NIPBL: variants seen among roughly 807,000 people sequenced by gnomAD.
The protein encoded by NIPBL is nipped-B-like protein.
Under a neutral mutation model 321.8 loss-of-function variants are expected in NIPBL, and 19 were observed. The ratio of observed to expected loss-of-function variants is 0.06; its 90% CI spans 0.04 to 0.09. The LOEUF is 0.09. Ranked by LOEUF, NIPBL falls within the 10% of genes least tolerant of loss-of-function variation. The probability of loss-of-function intolerance (pLI) is 1.00; values close to 1 mark genes in which losing one functional copy is unlikely to be tolerated. For synonymous variants in NIPBL, 1,106 were observed against 1,114.1 expected (o/e 0.99, Z 0.14); for missense variants, 2,210 against 3,327.0 (o/e 0.66, Z 8.26).
Position 37,024,710 on chromosome 5 carries a change from G to A in NIPBL, c.5700G>A (p.Glu1900=), listed in dbSNP as rs1170619351. The A allele has an allele frequency of 6.2e-7, 1 of 1,611,274 alleles. No individual in the cohort carries two copies. ...TGATTCGCAGAGTCAATGATGAAGA[G>A]GGCATTAAGGTAGTGTTGACTGTTT... The part of the protein sequence containing the change: ...VKMIRRVNDE[E]GIKKLVNETF... The change falls in exon 30 of 47, where the codon GAG becomes GAA. Residue 1900 remains glutamate (E), a synonymous_variant. Coordinates refer to ENST00000282516, the MANE Select transcript of NIPBL (RefSeq NM_133433.4).
intron 1 of NIPBL, among the ~76,000 whole-genome samples, chr5:36,915,733 C>T (rs904242462): frequency 1.3e-5 from 2 of 152,014 alleles, no homozygotes; most frequent in African/African-American, 4.8e-5. Context: ...TAATCTCTGA[C>T]CTTTGGTTTG....
At chr5:37,047,743 C>G (rs1753128137) in intron 38 of NIPBL, among the ~76,000 whole-genome samples, 1 of 152,186 alleles carries the variant, frequency 6.6e-6, no homozygotes, top group Non-Finnish European at 1.5e-5. Flanking sequence ...GGCTAGTTAT[C>G]TGATCACTCT....
rs758588654 is a variant in NIPBL at position 37,008,708 on chromosome 5, G to A, written c.4406G>A (p.Ser1469Asn). 2 of 1,589,234 alleles carry A rather than the reference G, an allele frequency of 1.3e-6. No individual in the cohort carries two copies. Among genetic ancestry groups the A allele is most frequent in the African/African-American group, 1.3e-5 (1 of 74,432 alleles). ...GCAAGATTACCAACCAGCAAGAGGA[G>A]TTTAAGGAACTTCAGGTAATTAATT... is the stretch of plus-strand genomic sequence containing the variant. ...SLARLPTSKR[S>N]LRNFRLNSSD... The change falls in exon 20 of 47, where the codon AGT becomes AAT. Residue 1469 changes from serine (S) to asparagine (N), a missense_variant. Ser to Asn is a conservative substitution (Grantham distance 46). This residue lies in a region of NIPBL where 381 missense variants were observed against 642.3 expected (regional missense o/e 0.59). Coordinates refer to ENST00000282516, the MANE Select transcript of NIPBL (RefSeq NM_133433.4).
intron 1 of NIPBL, among the ~76,000 whole-genome samples, chr5:36,930,422 C>T (rs1379671662): frequency 6.6e-6 from 1 of 151,680 alleles, no homozygotes; most frequent in Non-Finnish European, 1.5e-5. Flanking sequence ...TCTAGCTGAG[C>T]TTTTTTTTGA....
chr5:36,900,471 G>A (rs1466989770), intron 1 of NIPBL, among the ~76,000 whole-genome samples: 3 of 152,108 alleles, frequency 2.0e-5, no homozygotes, highest in African/African-American at 7.2e-5. Flanking sequence ...GGAAACTGAT[G>A]CTTACAAAGA....
At chr5:37,027,538 T>C in intron 32 of NIPBL, 126 bp downstream of exon 32, 1 of 703,972 alleles carries the variant, frequency 1.4e-6, no homozygotes, top group Non-Finnish European at 2.5e-6. Flanking sequence ...AGGGAAAATT[T>C]ATTTCAATAT....
At chr5:36,886,985 C>T (rs968844352) in intron 1 of NIPBL, among the ~76,000 whole-genome samples, 1 of 151,938 alleles carries the variant, frequency 6.6e-6, no homozygotes, top group African/African-American at 2.4e-5. Flanking sequence ...GAAGCTCTTA[C>T]GAAAGAGTAT....
At chr5:36,952,020 G>C (rs1198985436) in intron 1 of NIPBL, among the ~76,000 whole-genome samples, 1 of 89,332 alleles carries the variant, frequency 1.1e-5, no homozygotes, top group East Asian at 3.8e-4. Context: ...CTGTTAAACT[G>C]TGTGTGTGTG....
At chr5:36,906,161 C>T (rs954465648) in intron 1 of NIPBL, among the ~76,000 whole-genome samples, 3 of 152,090 alleles carry the variant, frequency 2.0e-5, no homozygotes, top group Non-Finnish European at 1.5e-5. Context: ...TGGATGAGAA[C>T]AACCCGAAAA....
chr5:36,940,022 C>T (rs1446304462), intron 1 of NIPBL, among the ~76,000 whole-genome samples: 1 of 152,168 alleles, frequency 6.6e-6, no homozygotes, highest in East Asian at 1.9e-4. Context: ...ACACAGTTTT[C>T]ATTTCATAAA....
chr5:37,049,040 A>G (rs1753256857), intron 39 of NIPBL, 71 bp from the exon 40 acceptor site: 1 of 1,518,936 alleles, frequency 6.6e-7, no homozygotes, highest in Non-Finnish European at 9.1e-7. Flanking sequence ...GTTATGGCCT[A>G]ATTTTGAAAT....
intron 32 of NIPBL, among the ~76,000 whole-genome samples, chr5:37,035,129 CTG>C (rs775485300): frequency 6.6e-6 from 1 of 152,174 alleles, no homozygotes; most frequent in East Asian, 1.9e-4. Context: ...TCTCTACAAA[CTG>C]TACAAAAATA....
chr5:37,029,725 C>CT (rs959874267), intron 32 of NIPBL, among the ~76,000 whole-genome samples: 2 of 152,158 alleles, frequency 1.3e-5, no homozygotes, highest in South Asian at 2.1e-4. Context: ...ATTATTGTCA[C>CT]TTTTTTTAAA....
At chr5:36,952,018 C>CTGTGTGTGTG (rs60067315) in intron 1 of NIPBL, among the ~76,000 whole-genome samples, 2,052 of 101,786 alleles carry the variant, frequency 0.02, 42 homozygotes, top group Middle Eastern at 0.049. Context: ...CTCTGTTAAA[C>CTGTGTGTGTG]TGTGTGTGTG....
chr5:36,914,328 GC>G (rs1386499500), intron 1 of NIPBL, among the ~76,000 whole-genome samples: 1 of 152,078 alleles, frequency 6.6e-6, no homozygotes, highest in East Asian at 1.9e-4. Flanking sequence ...ATGGATAATG[GC>G]CATTGTTGCC....
intron 16 of NIPBL, among the ~76,000 whole-genome samples, chr5:37,005,301 G>A (rs1480772162): frequency 6.6e-6 from 1 of 152,150 alleles, no homozygotes; most frequent in Non-Finnish European, 1.5e-5. Flanking sequence ...CAAAGGCTTA[G>A]AGAAACCTAA....
In NIPBL at chr5:37,064,845, C is replaced by G; in HGVS notation, c.8368C>G (p.Gln2790Glu). 6.2e-7 allele frequency: 1 copy of G among 1,614,116 alleles called. No homozygotes were observed. Among genetic ancestry groups the G allele is most frequent in the Non-Finnish European group, 8.5e-7 (1 of 1,180,008 alleles). ...SANKLTNKVVQTLRSLYAAKD... is the reference protein window; with the variant it reads ...SANKLTNKVVETLRSLYAAKD... ...TAATAAGCTGACTAATAAAGTTGTT[C>G]AGACTTTACGATCCCTGTATGCCGC... Residue 2790 changes from glutamine to glutamate, a missense_variant, in exon 47 of 47, where the codon CAG becomes GAG. Physicochemically the swap from Gln to Glu is conservative, Grantham distance 29. Around this residue, in one of 14 missense-constraint regions of NIPBL, gnomAD observed 159 missense variants for 319.2 expected, o/e 0.50. Coordinates refer to ENST00000282516, the MANE Select transcript of NIPBL (RefSeq NM_133433.4).
chr5:36,984,638 G>A, intron 9 of NIPBL, 38 bp from the exon 10 acceptor site: 2 of 1,542,678 alleles, frequency 1.3e-6, no homozygotes, highest in East Asian at 2.2e-5. Context: ...AAGAATACAT[G>A]TCTATTACTG....
At chr5:36,915,302 A>C (rs1748374774) in intron 1 of NIPBL, among the ~76,000 whole-genome samples, 2 of 152,164 alleles carry the variant, frequency 1.3e-5, no homozygotes, top group African/African-American at 4.8e-5. Flanking sequence ...TAATAGAACC[A>C]CAAACAATAG....
Sources: allele counts gnomAD v4.1 joint callset (sites outside exome capture counted in the v4.1 genomes callset), GRCh38; gene constraint gnomAD v4.1.1; regional missense constraint gnomAD v4.1.1; transcripts MANE v1.5; gene names NCBI Gene and HGNC (gene_info 2026-07-23, HGNC 2026-07-21).